The following NSD3 variants were observed in gnomAD, a reference collection of about 807,000 sequenced individuals.
NSD3 encodes the protein histone-lysine N-methyltransferase NSD3.
NSD3 carries 24 observed loss-of-function variants against 160.8 expected under a neutral mutation model. The ratio of observed to expected loss-of-function variants is 0.15; its 90% confidence interval spans 0.11 to 0.21. The LOEUF (loss-of-function observed/expected upper bound fraction) is 0.21, where lower values mean the gene tolerates loss of function less well. Ranked by LOEUF, NSD3 falls within the 10% of genes least tolerant of loss-of-function variation. NSD3 has a pLI of 1.00. For synonymous variants in NSD3, 520 were observed against 600.0 expected (o/e 0.87, Z 1.95); for missense variants, 1,157 against 1,735.9 (o/e 0.67, Z 5.93).
intron 7 of NSD3, among the ~76,000 whole-genome samples, chr8:38,324,425 T>A (rs925353960): frequency 7.2e-5 from 11 of 152,200 alleles, no homozygotes; most frequent in African/African-American, 2.2e-4. Flanking sequence ...ACTTTGCTAT[T>A]ATAATAATTA....
At chr8:38,346,847 T>A (rs916332515) in intron 2 of NSD3, among the ~76,000 whole-genome samples, 1 of 152,196 alleles carries the variant, frequency 6.6e-6, no homozygotes, top group Admixed American at 6.5e-5. Context: ...AGTCAAAGTT[T>A]AGAAAACATT....
chr8:38,334,368 G>T (rs1258736015), intron 4 of NSD3, among the ~76,000 whole-genome samples: 1 of 152,128 alleles, frequency 6.6e-6, no homozygotes, highest in East Asian at 1.9e-4. Flanking sequence ...AGGATTTTTG[G>T]GGGTTGATGA....
At chr8:38,367,174 T>TA (rs1811124454) in intron 1 of NSD3, among the ~76,000 whole-genome samples, 1 of 152,184 alleles carries the variant, frequency 6.6e-6, no homozygotes, top group Non-Finnish European at 1.5e-5. Context: ...ACATTGGTCT[T>TA]AGAGTCATAA....
chr8:38,307,126 A>AT (rs1563349375), intron 12 of NSD3, among the ~76,000 whole-genome samples: 2 of 143,372 alleles, frequency 1.4e-5, no homozygotes, highest in Admixed American at 7.0e-5. Context: ...AAAAAAAAAA[A>AT]AATAAAATAA....
At chr8:38,355,584 A>T (rs1335243592) in intron 1 of NSD3, among the ~76,000 whole-genome samples, 1 of 152,190 alleles carries the variant, frequency 6.6e-6, no homozygotes, top group Non-Finnish European at 1.5e-5. Flanking sequence ...GAGAAGAAAA[A>T]TGCTGGGCAA....
Position 38,278,375 on chromosome 8 carries a change from C to G in NSD3, c.3798G>C (p.Leu1266=), listed in dbSNP as rs370589580. The change falls in exon 22 of 24, where the codon CTG becomes CTC. Residue 1266 remains leucine, a synonymous_variant. Transcript: ENST00000317025. ...AGTGGCACTCCGTTCTGCCGTTGCC[C>G]AGACAATCTAGGTTATAATTAAATG... The part of the protein sequence containing the change: ...ELTFNYNLDC[L]GNGRTECHCG... The G allele has an allele frequency of 4.9e-4, 794 of 1,613,966 alleles. 14 individuals are homozygous for G. In the South Asian group the frequency reaches 5.9e-3, roughly 12 times the overall value.
chr8:38,295,660 GTTC>G (rs1173448866), intron 16 of NSD3, 133 bp downstream of exon 16: 1 of 813,970 alleles, frequency 1.2e-6, no homozygotes, highest in African/African-American at 1.8e-5. Flanking sequence ...TCAAAACATG[GTTC>G]TTTTCTTTTT....
intron 12 of NSD3, among the ~76,000 whole-genome samples, chr8:38,313,393 T>G (rs1249563242): frequency 6.6e-6 from 1 of 152,158 alleles, no homozygotes; most frequent in Non-Finnish European, 1.5e-5. Flanking sequence ...GGGAAGCTAT[T>G]AAACTCTCTA....
chr8:38,345,024 AG>A, intron 2 of NSD3, among the ~76,000 whole-genome samples: 1 of 152,352 alleles, frequency 6.6e-6, no homozygotes, highest in Non-Finnish European at 1.5e-5. Context: ...TCTCTAGCTT[AG>A]CAAAAGCATG....
At chr8:38,361,497 T>C (rs1029519130) in intron 1 of NSD3, among the ~76,000 whole-genome samples, 2 of 150,806 alleles carry the variant, frequency 1.3e-5, no homozygotes, top group African/African-American at 4.9e-5. Context: ...GGCTCACACC[T>C]GTAATCCCAG....
chr8:38,349,299 C>T (rs948093629), intron 1 of NSD3, among the ~76,000 whole-genome samples: 4 of 151,926 alleles, frequency 2.6e-5, no homozygotes, highest in Non-Finnish European at 4.4e-5. Context: ...ATAATAAATA[C>T]GTCTGCAGAA....
At chr8:38,339,177 A>C (rs762651232) in intron 2 of NSD3, among the ~76,000 whole-genome samples, 16 of 151,642 alleles carry the variant, frequency 1.1e-4, no homozygotes, top group Non-Finnish European at 1.8e-4. Context: ...CTTAATTTCT[A>C]AATAAACTGG....
intron 1 of NSD3, 24 bp from the exon 2 acceptor site, chr8:38,348,239 A>T: frequency 6.7e-7 from 1 of 1,494,462 alleles, no homozygotes; most frequent in Non-Finnish European, 8.9e-7. Flanking sequence ...AGAGGGGATT[A>T]GAAGGTGTTA....
At chr8:38,301,452 T>C (rs1361771498) in intron 14 of NSD3, among the ~76,000 whole-genome samples, 2 of 152,158 alleles carry the variant, frequency 1.3e-5, no homozygotes, top group Non-Finnish European at 2.9e-5. Flanking sequence ...TGGTGGCACA[T>C]GCCTGTAATC....
At chr8:38,380,011 G>C (rs899202510) in intron 1 of NSD3, among the ~76,000 whole-genome samples, 1 of 152,164 alleles carries the variant, frequency 6.6e-6, no homozygotes, top group Non-Finnish European at 1.5e-5. Flanking sequence ...GTCAACTGAA[G>C]TTTCAATCAA....
intron 20 of NSD3, among the ~76,000 whole-genome samples, 183 bp downstream of exon 20, chr8:38,281,284 T>A (rs1333599280): frequency 6.6e-6 from 1 of 152,196 alleles, no homozygotes; most frequent in African/African-American, 2.4e-5. Context: ...AAAGCTTCAG[T>A]ATCATTCATT....
At chr8:38,276,228 T>A (rs753622345) in intron 23 of NSD3, 68 bp downstream of exon 23, 105 of 1,513,866 alleles carry the variant, frequency 6.9e-5, no homozygotes, top group Non-Finnish European at 9.3e-5. Context: ...TGGCATGGAA[T>A]ATATTGTGAG....
Position 38,338,540 on chromosome 8 carries a change from G to A in NSD3, c.743C>T (p.Ala248Val). 5.6e-6 allele frequency: 9 copies of A among 1,613,376 alleles called. No individual in the cohort carries two copies. The highest frequency in any genetic ancestry group is 7.6e-6 in the Non-Finnish European group (9 of 1,179,484). ...PREEPVLKEE[A>V]PVQPILSSVP... ...GTATTCAGTAAAACAACTTACTGGG[G>A]CTTCCTCTTTTAGTACTGGTTCTTC... Residue 248 changes from alanine (A) to valine (V), a missense_variant, in exon 3 of 24, where the codon GCC becomes GTC. Physicochemically the swap from Ala to Val is moderately conservative, Grantham distance 64. This residue lies in a region of NSD3 where 99 missense variants were observed against 151.8 expected (regional missense o/e 0.65). Coordinates refer to ENST00000317025, the MANE Select transcript of NSD3 (RefSeq NM_023034.2).
chr8:38,307,130 A>AAT (rs1563349406), intron 12 of NSD3, among the ~76,000 whole-genome samples: 3 of 127,494 alleles, frequency 2.4e-5, no homozygotes, highest in Admixed American at 7.7e-5. Context: ...AAAAAAAAAT[A>AAT]AAATAAAATA....
Sources: allele counts gnomAD v4.1 joint callset (sites outside exome capture counted in the v4.1 genomes callset), GRCh38; gene constraint gnomAD v4.1.1; regional missense constraint gnomAD v4.1.1; transcripts MANE v1.5; gene names NCBI Gene and HGNC (gene_info 2026-07-23, HGNC 2026-07-21).